ARHGEF3: variants seen among roughly 807,000 people sequenced by gnomAD.
ARHGEF3 encodes the protein 59.8 kDA protein.
ARHGEF3 carries 28 observed loss-of-function variants against 63.2 expected under a neutral mutation model. The ratio of observed to expected loss-of-function variants is 0.44; its 90% CI spans 0.33 to 0.61. The LOEUF (loss-of-function observed/expected upper bound fraction) is 0.61. Ranked by LOEUF, ARHGEF3 falls within the 20% of genes least tolerant of loss-of-function variation. The pLI is 0.03. For synonymous variants in ARHGEF3, 266 were observed against 254.2 expected (o/e 1.05, Z -0.44); for missense variants, 533 against 659.3 (o/e 0.81, Z 2.10).
In ARHGEF3 at chr3:56,801,693, G is replaced by A. The variant is rs1456096197; in HGVS notation, c.96+10C>T. The A allele has an allele frequency of 1.3e-6, 2 of 1,554,338 alleles. No homozygotes were observed. Among genetic ancestry groups the A allele is most frequent in the Non-Finnish European group, 1.7e-6 (2 of 1,148,350 alleles). On this transcript the variant is annotated intron_variant, in intron 1 of 9. Transcript: ENST00000296315. ...ACCCATAGAGGTCCAGGTGCAGGGCGCGGCCCTACCTCAGCGTCCTTGGCC... is the reference window on the plus strand; with the variant it reads ...ACCCATAGAGGTCCAGGTGCAGGGCACGGCCCTACCTCAGCGTCCTTGGCC...
chr3:56,992,697 G>A (rs559265633), intron 2 of ARHGEF3, among the ~76,000 whole-genome samples: 2 of 152,294 alleles, frequency 1.3e-5, no homozygotes, highest in Admixed American at 6.5e-5. Context: ...CTGTGAACAT[G>A]AGCTGCTCAG....
At chr3:57,017,104 C>T (rs561342463) in intron 2 of ARHGEF3, among the ~76,000 whole-genome samples, 16 of 151,034 alleles carry the variant, frequency 1.1e-4, no homozygotes, top group Middle Eastern at 3.2e-3. Flanking sequence ...AATGTCACCA[C>T]TAAAGAGCAA....
chr3:57,038,618 A>G (rs545156552), intron 1 of ARHGEF3, among the ~76,000 whole-genome samples: 10 of 151,606 alleles, frequency 6.6e-5, no homozygotes, highest in Non-Finnish European at 1.2e-4. Flanking sequence ...TCATTTTTTT[A>G]ATTTTTTGTA....
intron 4 of ARHGEF3, among the ~76,000 whole-genome samples, chr3:56,752,230 T>A (rs967504917): frequency 2.6e-5 from 4 of 152,160 alleles, no homozygotes; most frequent in African/African-American, 4.8e-5. Context: ...CTAATTTTTG[T>A]ATTTTTTAGT....
intron 3 of ARHGEF3, among the ~76,000 whole-genome samples, chr3:56,944,398 T>C (rs573855973): frequency 3.4e-4 from 52 of 151,938 alleles, no homozygotes; most frequent in African/African-American, 1.2e-3. Flanking sequence ...ATGGATGACA[T>C]TGAGGGGTTT....
intron 4 of ARHGEF3, among the ~76,000 whole-genome samples, chr3:56,812,400 C>T (rs747675701): frequency 1.1e-4 from 16 of 152,188 alleles, no homozygotes; most frequent in Non-Finnish European, 1.8e-4. Context: ...CAGCTGTTTA[C>T]ACACTAATTC....
chr3:56,802,048 G>C, upstream of ARHGEF3: 1 of 1,352,700 alleles, frequency 7.4e-7, no homozygotes, highest in Non-Finnish European at 9.5e-7. Context: ...CTGCCGGGAG[G>C]GCCCACGTGC....
intron 4 of ARHGEF3, among the ~76,000 whole-genome samples, chr3:56,852,546 G>GT (rs1290455273): frequency 2.0e-5 from 3 of 152,166 alleles, no homozygotes; most frequent in African/African-American, 7.2e-5. Context: ...CAAAACTGCT[G>GT]TTTTTTCAAA....
chr3:57,008,633 G>A (rs889809698), intron 2 of ARHGEF3, among the ~76,000 whole-genome samples: 1 of 151,998 alleles, frequency 6.6e-6, no homozygotes, highest in Non-Finnish European at 1.5e-5. Flanking sequence ...ATTACACCCA[G>A]CTAATTTTTG....
At chr3:57,075,910 T>TC (rs1323161132) in intron 1 of ARHGEF3, among the ~76,000 whole-genome samples, 3 of 152,168 alleles carry the variant, frequency 2.0e-5, no homozygotes, top group Non-Finnish European at 2.9e-5. Context: ...ACCAAACCTC[T>TC]CCACAGCAGA....
At chr3:56,951,410 G>T (rs1401087853) in intron 3 of ARHGEF3, among the ~76,000 whole-genome samples, 1 of 151,932 alleles carries the variant, frequency 6.6e-6, no homozygotes, top group Non-Finnish European at 1.5e-5. Flanking sequence ...TTGCATTGAA[G>T]TATTTTTAAA....
At chr3:56,874,768 CCTGTCCT>C (rs1445519254) in intron 4 of ARHGEF3, among the ~76,000 whole-genome samples, 6 of 152,308 alleles carry the variant, frequency 3.9e-5, no homozygotes, top group African/African-American at 1.4e-4. Flanking sequence ...CTTCTCCTCT[CCTGTCCT>C]GGAGGTGGTG....
At chr3:56,968,170 A>T (rs1259370821) in intron 2 of ARHGEF3, among the ~76,000 whole-genome samples, 22 of 20,380 alleles carry the variant, frequency 1.1e-3, no homozygotes, top group South Asian at 1.9e-3. Flanking sequence ...ATATTATATA[A>T]TATATATAAA....
At chr3:57,001,926 TTTTGTTTTTTG>T (rs1308925099) in intron 2 of ARHGEF3, among the ~76,000 whole-genome samples, 3 of 69,648 alleles carry the variant, frequency 4.3e-5, no homozygotes, top group Non-Finnish European at 8.9e-5. Context: ...TTTTTTTTTT[TTTTGTTTTTTG>T]TTTTGAGACG....
Position 56,801,911 on chromosome 3 carries a change from G to A in ARHGEF3, c.-113C>T. ...GATGCCGGGCGGCGGCGGCGACACG[G>A]AGACCGACAGCCGGCTTCTAGCCGG... On this transcript the variant is annotated 5_prime_UTR_variant, in exon 1 of 10. Coordinates refer to ENST00000296315, the MANE Select transcript of ARHGEF3 (RefSeq NM_019555.3). 6.5e-7 allele frequency: 1 copy of A among 1,538,242 alleles called. No individual in the cohort carries two copies. The highest frequency in any genetic ancestry group is 8.7e-7 in the Non-Finnish European group (1 of 1,143,294).
chr3:56,831,984 C>T (rs1001158115), intron 4 of ARHGEF3, among the ~76,000 whole-genome samples: 1 of 152,196 alleles, frequency 6.6e-6, no homozygotes, highest in African/African-American at 2.4e-5. Context: ...GACTTGAGAA[C>T]TTTGACGTTC....
rs192637038 is a variant in ARHGEF3 at position 56,934,397 on chromosome 3, C to T, written c.129+24426G>A. Reference sequence around the variant, plus strand: ...AGGAGCCCTTCAGCCCACCACTGCACTGTGGGAGCCCCTTTCTGGGCTGGC... The same window carrying T: ...AGGAGCCCTTCAGCCCACCACTGCATTGTGGGAGCCCCTTTCTGGGCTGGC... On this transcript the variant is annotated intron_variant, in intron 3 of 12. Coordinates refer to the ARHGEF3 transcript ENST00000338458. 5.2e-5 allele frequency among the ~76,000 whole-genome samples: 8 copies of T among 152,384 alleles called. No individual in the cohort carries two copies. In the East Asian group the frequency reaches 1.5e-3, roughly 29 times the overall value.
At chr3:57,069,702 T>C (rs1332376752) in intron 1 of ARHGEF3, among the ~76,000 whole-genome samples, 1 of 152,206 alleles carries the variant, frequency 6.6e-6, no homozygotes, top group African/African-American at 2.4e-5. Context: ...TGGAGTGCAT[T>C]AGTGTGAGCA....
At chr3:57,027,637 G>A (rs561980324) in intron 2 of ARHGEF3, among the ~76,000 whole-genome samples, 8 of 152,084 alleles carry the variant, frequency 5.3e-5, no homozygotes, top group Non-Finnish European at 5.9e-5. Flanking sequence ...GGTGGATCAC[G>A]TGAGGCCAGG....
Sources: gnomAD v4.1 joint callset for allele counts (sites outside exome capture counted in the v4.1 genomes callset) on GRCh38, gnomAD v4.1.1 for gene constraint, MANE v1.5 for transcripts, NCBI Gene and HGNC (gene_info 2026-07-23, HGNC 2026-07-21) for gene names.